The following DCC variants were observed in gnomAD, a reference collection of about 807,000 sequenced individuals.
DCC encodes the protein DCC netrin 1 receptor.
A neutral mutation model predicts 172.5 loss-of-function variants in DCC; 58 were observed. The observed-to-expected ratio is 0.34, with a 90% CI of 0.27 to 0.42. The LOEUF (loss-of-function observed/expected upper bound fraction) is 0.42. Ranked by LOEUF, DCC falls within the 10% of genes least tolerant of loss-of-function variation. The pLI, the probability that DCC is intolerant of heterozygous loss-of-function variation, is 1.00. For synonymous variants in DCC, 709 were observed against 644.5 expected, an observed-to-expected ratio of 1.10 and a Z score of -1.52; for missense variants, 1,740 against 1,791.0, an observed-to-expected ratio of 0.97 and a Z score of 0.51.
chr18:52,350,518 G>T (rs1984073277), intron 1 of DCC, among the ~76,000 whole-genome samples: 1 of 151,794 alleles, frequency 6.6e-6, no homozygotes, highest in African/African-American at 2.4e-5. Flanking sequence ...ATACACCGGG[G>T]CCTACTGGGG....
At chr18:53,023,216 T>G (rs10468872) in intron 5 of DCC, among the ~76,000 whole-genome samples, 5,294 of 151,786 alleles carry the variant, frequency 0.035, 106 homozygotes, top group Middle Eastern at 0.071. Flanking sequence ...ACAAAAATTG[T>G]TTAAGAAATA....
Position 53,320,658 on chromosome 18 carries a change from AT to A in DCC, c.2054-1388del, listed in dbSNP as rs2057400773. ...CTTATGTTGGAAGCATCTCTTTGCC[AT>A]CTTGTTGATGTGGTTGAATGCTGTA... On this transcript the variant is annotated intron_variant, in intron 13 of 28. Coordinates refer to ENST00000442544, the MANE Select transcript of DCC (RefSeq NM_005215.4). Among the ~76,000 whole-genome samples the A allele has an allele frequency of 2.0e-5, 3 of 152,332 alleles. No homozygotes were observed. In the South Asian group the frequency reaches 6.2e-4, roughly 32 times the overall value.
At chr18:52,779,964 G>T in intron 2 of DCC, among the ~76,000 whole-genome samples, 1 of 152,144 alleles carries the variant, frequency 6.6e-6, no homozygotes, top group East Asian at 1.9e-4. Context: ...GATTTTGATT[G>T]AAATGCATTC....
At chr18:53,087,358 G>A (rs1463574135) in intron 7 of DCC, among the ~76,000 whole-genome samples, 6 of 151,518 alleles carry the variant, frequency 4.0e-5, no homozygotes, top group East Asian at 2.0e-4. Flanking sequence ...GCCAGTGATG[G>A]TGAGCACCTT....
chr18:52,984,893 T>G (rs1187272493), intron 5 of DCC, among the ~76,000 whole-genome samples: 1 of 152,152 alleles, frequency 6.6e-6, no homozygotes, highest in Non-Finnish European at 1.5e-5. Context: ...TATTTGACTA[T>G]GACTTTCCAT....
chr18:52,417,857 C>G (rs1482802747), intron 1 of DCC, among the ~76,000 whole-genome samples: 1 of 152,194 alleles, frequency 6.6e-6, no homozygotes, highest in Non-Finnish European at 1.5e-5. Context: ...CGTCTGAAGC[C>G]TTCTTCTCTC....
At chr18:53,352,464 C>A (rs969988003) in intron 15 of DCC, among the ~76,000 whole-genome samples, 2 of 152,066 alleles carry the variant, frequency 1.3e-5, no homozygotes, top group East Asian at 3.9e-4. Flanking sequence ...TATCCCTTTT[C>A]ACTAGTGATA....
intron 5 of DCC, among the ~76,000 whole-genome samples, chr18:52,951,022 T>C (rs886620339): frequency 6.7e-6 from 1 of 148,578 alleles, no homozygotes; most frequent in Non-Finnish European, 1.5e-5. Context: ...ATAATCAGCA[T>C]TTTCTCCTAA....
chr18:53,090,431 C>T (rs1032462980), intron 7 of DCC, among the ~76,000 whole-genome samples: 8 of 151,832 alleles, frequency 5.3e-5, no homozygotes, highest in Middle Eastern at 3.2e-3. Flanking sequence ...TGGTGGCTCA[C>T]GCCTGTAATT....
chr18:52,827,821 T>C (rs2038539427), intron 2 of DCC, among the ~76,000 whole-genome samples: 1 of 152,234 alleles, frequency 6.6e-6, no homozygotes, highest in African/African-American at 2.4e-5. Flanking sequence ...CCCCTGAGGT[T>C]TCTCAAGTGA....
chr18:52,930,211 C>T (rs2040287076), intron 5 of DCC, among the ~76,000 whole-genome samples: 1 of 151,996 alleles, frequency 6.6e-6, no homozygotes, highest in Non-Finnish European at 1.5e-5. Context: ...GTGATCCTGC[C>T]ACCTTGGCCT....
chr18:52,700,025 T>C (rs1246905985), intron 1 of DCC, among the ~76,000 whole-genome samples: 2 of 149,108 alleles, frequency 1.3e-5, no homozygotes, highest in African/African-American at 2.5e-5. Flanking sequence ...TTCTTCACTC[T>C]TCCTTTCAGT....
At chr18:52,904,321 A>G (rs933812653) in intron 2 of DCC, among the ~76,000 whole-genome samples, 5 of 152,312 alleles carry the variant, frequency 3.3e-5, no homozygotes, top group African/African-American at 1.2e-4. Flanking sequence ...TACCTAACCC[A>G]CATATAATTT....
chr18:52,806,927 G>T (rs762570758), intron 2 of DCC, among the ~76,000 whole-genome samples: 1 of 152,170 alleles, frequency 6.6e-6, no homozygotes, highest in Non-Finnish European at 1.5e-5. Flanking sequence ...AGGTGCAGTG[G>T]CTCACGCCTG....
At chr18:52,952,626 G>A (rs971819778) in intron 5 of DCC, among the ~76,000 whole-genome samples, 2 of 152,062 alleles carry the variant, frequency 1.3e-5, no homozygotes, top group African/African-American at 4.8e-5. Context: ...CTTTTGTAGT[G>A]CTTAGTGTCA....
At chr18:52,854,718 T>G (rs1281716831) in intron 2 of DCC, among the ~76,000 whole-genome samples, 1 of 152,122 alleles carries the variant, frequency 6.6e-6, no homozygotes, top group Non-Finnish European at 1.5e-5. Context: ...TGTACAGAAG[T>G]TGTTTATTAG....
intron 7 of DCC, among the ~76,000 whole-genome samples, chr18:53,068,980 GC>G (rs1300271112): frequency 1.3e-5 from 2 of 152,086 alleles, no homozygotes; most frequent in Non-Finnish European, 2.9e-5. Flanking sequence ...ATGAACAGGA[GC>G]CATATCTGTG....
chr18:53,183,066 TA>T (rs1568352053), intron 9 of DCC, among the ~76,000 whole-genome samples: 1 of 152,164 alleles, frequency 6.6e-6, no homozygotes, highest in Non-Finnish European at 1.5e-5. Context: ...GTAGTAATTG[TA>T]CACTAAAATT....
intron 7 of DCC, among the ~76,000 whole-genome samples, chr18:53,155,670 C>T (rs1483512075): frequency 2.0e-5 from 3 of 152,210 alleles, no homozygotes; most frequent in African/African-American, 4.8e-5. Context: ...CTTTCATCAG[C>T]TTTTCATTTC....
Sources: gnomAD v4.1 joint callset for allele counts (sites outside exome capture counted in the v4.1 genomes callset) on GRCh38, gnomAD v4.1.1 for gene constraint, MANE v1.5 for transcripts, NCBI Gene and HGNC (gene_info 2026-07-23, HGNC 2026-07-21) for gene names.